Variants in ZAP70 observed in about 807,000 individuals in gnomAD.
ZAP70 encodes tyrosine-protein kinase ZAP-70.
Under a neutral mutation model 65.8 loss-of-function variants are expected in ZAP70, and 27 were observed. The ratio of observed to expected loss-of-function variants is 0.41; its 90% CI spans 0.30 to 0.57. The LOEUF is 0.57. Ranked by LOEUF, ZAP70 falls within the 20% of genes least tolerant of loss-of-function variation. The pLI is 0.28. For synonymous variants in ZAP70, 363 were observed against 360.8 expected (o/e 1.01, Z -0.07); for missense variants, 696 against 870.5 (o/e 0.80, Z 2.52).
In ZAP70 at chr2:97,731,371, C is replaced by T. The variant is rs1050170875; in HGVS notation, c.564-1512C>T. On this transcript the variant is annotated intron_variant, in intron 4 of 13. Transcript: ENST00000264972. This position sits in a 1 kb window ranked among gnomAD's most constrained non-coding sequence, Gnocchi z 4.0. ...TGGGAGATGTTGACTGGTGTCACTG[C>T]GGGGTTTCACGTGACGGCGCTGCAT... is the stretch of plus-strand genomic sequence containing the variant. 5.9e-5 allele frequency among the ~76,000 whole-genome samples: 9 copies of T among 151,910 alleles called. No homozygotes were observed. Among genetic ancestry groups the T allele is most frequent in the African/African-American group, 1.5e-4 (6 of 41,322 alleles).
At chr2:97,721,287 A>C (rs1341816751) in intron 2 of ZAP70, among the ~76,000 whole-genome samples, 3 of 152,200 alleles carry the variant, frequency 2.0e-5, no homozygotes, top group Non-Finnish European at 4.4e-5. Context: ...GAAACCCTAA[A>C]ACCAACATGG....
At chr2:97,718,909 TG>T (rs1032006378) in intron 2 of ZAP70, among the ~76,000 whole-genome samples, 4 of 152,148 alleles carry the variant, frequency 2.6e-5, no homozygotes, top group African/African-American at 9.7e-5. Flanking sequence ...AAGGATGGGC[TG>T]GCTGGGTTGG....
intron 4 of ZAP70, among the ~76,000 whole-genome samples, chr2:97,727,293 A>G (rs367920374): frequency 4.6e-5 from 7 of 152,372 alleles, no homozygotes; most frequent in African/African-American, 1.7e-4. Flanking sequence ...GGATTGGATG[A>G]AGCAAGTTGT....
intron 10 of ZAP70, 36 bp downstream of exon 10, chr2:97,735,492 G>C: frequency 6.3e-7 from 1 of 1,590,708 alleles, no homozygotes; most frequent in African/African-American, 1.3e-5. Context: ...CGGGTGGGTG[G>C]GGCCGGGGCC....
At chr2:97,739,342 G>T (rs1559330735) in intron 13 of ZAP70, 33 bp from the exon 14 acceptor site, 1 of 1,612,080 alleles carries the variant, frequency 6.2e-7, no homozygotes, top group Non-Finnish European at 8.5e-7. Flanking sequence ...TGGGGGCGTG[G>T]TCAGCAGCCT....
intron 2 of ZAP70, among the ~76,000 whole-genome samples, chr2:97,717,329 AAGCCTCTGGCTGGGGGGACATGCGG>A (rs1201383718): frequency 1.4e-4 from 20 of 146,348 alleles, no homozygotes; most frequent in African/African-American, 3.3e-4. Context: ...GGGACATGTC[AAGCCTCTGGCTGGGGGGACATGCGG>A]AGCCTCTGGC....
chr2:97,738,258 C>A, intron 13 of ZAP70, 151 bp downstream of exon 13: 1 of 761,694 alleles, frequency 1.3e-6, no homozygotes, highest in Non-Finnish European at 2.2e-6. Context: ...CCTACCCCCA[C>A]ACCCAGCTCT....
the ZAP70 span, among the ~76,000 whole-genome samples, chr2:97,748,543 A>G: frequency 6.6e-5 from 10 of 152,280 alleles, no homozygotes; most frequent in African/African-American, 2.4e-4. Flanking sequence ...ATGGAGCAGA[A>G]GAACCAGGGT....
At chr2:97,730,500 T>C (rs1316777877) in intron 4 of ZAP70, among the ~76,000 whole-genome samples, 1 of 152,144 alleles carries the variant, frequency 6.6e-6, no homozygotes, top group Non-Finnish European at 1.5e-5. Flanking sequence ...CTCATTCCCA[T>C]GGTATTTGGA....
intron 8 of ZAP70, chr2:97,734,293 C>A: frequency 7.6e-7 from 1 of 1,309,296 alleles, no homozygotes; most frequent in Non-Finnish European, 1.0e-6. Context: ...ATGCACACGC[C>A]CCTAGAGTCC....
chr2:97,755,843 G>C, the ZAP70 span, among the ~76,000 whole-genome samples: 1 of 152,226 alleles, frequency 6.6e-6, no homozygotes, highest in Non-Finnish European at 1.5e-5. Flanking sequence ...ACATGCAGTG[G>C]TGAGTTGGAC....
At chr2:97,724,516 A>G in intron 3 of ZAP70, 78 bp downstream of exon 3, 2 of 1,515,684 alleles carry the variant, frequency 1.3e-6, no homozygotes, top group South Asian at 2.5e-5. Context: ...GGGGGATAGG[A>G]GGGAGGAAAA....
chr2:97,733,252 A>G (rs1461675120), intron 6 of ZAP70, 40 bp downstream of exon 6: 8 of 1,609,228 alleles, frequency 5.0e-6, no homozygotes, highest in Non-Finnish European at 6.8e-6. Context: ...CGGGGGCGGC[A>G]GGAGACCTGG....
the ZAP70 span, among the ~76,000 whole-genome samples, chr2:97,752,487 G>A: frequency 5.2e-4 from 79 of 152,300 alleles, 1 homozygote; most frequent in African/African-American, 1.8e-3. Context: ...CCAGGGGCTT[G>A]TTCTGACACT....
At position 97,725,209 on chromosome 2, in the gene ZAP70, G is replaced by T; in HGVS notation, c.520G>T (p.Glu174Ter). ...YHSSLTREEA[E>*]RKLYSGAQTD... is the part of the protein sequence containing the mutation. ...CAGCAGCCTGACGCGTGAGGAGGCC[G>T]AGCGCAAACTTTACTCTGGGGCGCA... Residue 174 changes from glutamate to a stop codon, truncating the protein, a stop_gained, in exon 4 of 14, where the codon GAG becomes TAG. Coordinates refer to ENST00000264972, the MANE Select transcript of ZAP70 (RefSeq NM_001079.4). LOFTEE classifies it high-confidence loss of function. The T allele has an allele frequency of 1.9e-6, 3 of 1,614,180 alleles. No homozygotes were observed. Among genetic ancestry groups the T allele is most frequent in the Non-Finnish European group, 2.5e-6 (3 of 1,180,010 alleles).
downstream of ZAP70, among the ~76,000 whole-genome samples, chr2:97,743,103 A>G (rs549325080): frequency 2.0e-4 from 30 of 152,282 alleles, no homozygotes; most frequent in African/African-American, 7.0e-4. Context: ...ATGGGAAAGA[A>G]AAAAAGGGAG....
At chr2:97,751,577 C>G in the ZAP70 span, among the ~76,000 whole-genome samples, 1 of 152,202 alleles carries the variant, frequency 6.6e-6, no homozygotes, top group African/African-American at 2.4e-5. Flanking sequence ...ACAGTGAAAT[C>G]TCTGGATTAA....
chr2:97,749,408 G>A, the ZAP70 span, among the ~76,000 whole-genome samples: 1 of 152,178 alleles, frequency 6.6e-6, no homozygotes, highest in African/African-American at 2.4e-5. Context: ...CCAAAAGGAC[G>A]TTTATAGAGC....
In ZAP70 at chr2:97,739,553, AC is replaced by A. The variant is rs1275502665; in HGVS notation, c.*59del. On this transcript the variant is annotated 3_prime_UTR_variant, in exon 14 of 14. Transcript: ENST00000264972. Reference sequence around the variant, plus strand: ...CCGGCTCTTCCCCACCCTCAGCCCCACCCCAGGTCCTGCAGTCTGGCTGAGC... The same window carrying A: ...CCGGCTCTTCCCCACCCTCAGCCCCACCCAGGTCCTGCAGTCTGGCTGAGC... The A allele has an allele frequency of 8.2e-6, 13 of 1,584,722 alleles. No individual in the cohort carries two copies. The highest frequency in any genetic ancestry group is 1.1e-5 in the Non-Finnish European group (13 of 1,166,384).
Sources: gnomAD v4.1 joint callset for allele counts (sites outside exome capture counted in the v4.1 genomes callset) on GRCh38, gnomAD v4.1.1 for gene constraint, Gnocchi (gnomAD v3.1) non-coding constraint, MANE v1.5 for transcripts, NCBI Gene and HGNC (gene_info 2026-07-23, HGNC 2026-07-21) for gene names.